Variants in PPFIBP2 observed in about 807,000 individuals in gnomAD.
PPFIBP2 encodes PPFIB scaffold protein 2.
PPFIBP2 carries 118 observed loss-of-function variants against 118.3 expected under a neutral mutation model. The ratio of observed to expected loss-of-function variants is 1.00; its 90% CI spans 0.86 to 1.16. The LOEUF is 1.16. PPFIBP2 is among the 50% of genes most tolerant of loss of function. PPFIBP2 has a pLI of 0.00. For missense variants in PPFIBP2, 1,195 were observed against 1,073.1 expected (o/e 1.11, Z -1.59); for synonymous variants, 414 against 397.4 (o/e 1.04, Z -0.50).
chr11:7,648,487 G>T lies in PPFIBP2; in HGVS notation c.1747G>T (p.Val583Leu), dbSNP rs145235342. 1 of 1,613,954 alleles carries T rather than the reference G, an allele frequency of 6.2e-7. No individual in the cohort carries two copies. The highest frequency in any genetic ancestry group is 1.1e-5 in the South Asian group (1 of 91,072). The change falls in exon 18 of 24, where the codon GTA becomes TTA. Residue 583 changes from valine to leucine, a missense_variant. Coordinates refer to ENST00000299492, the MANE Select transcript of PPFIBP2 (RefSeq NM_003621.5). The part of the protein sequence containing the change: ...AQYVIFARQW[V>L]SSGHTLLTAT... ...GTATGTGATCTTTGCCAGGCAGTGG[G>T]TATCTTCTGGCCACACCTTATTGAC... is the stretch of plus-strand genomic sequence containing the variant.
Position 7,597,716 on chromosome 11 carries a change from T to C in PPFIBP2, c.486+43T>C, listed in dbSNP as rs773451348. On this transcript the variant is annotated intron_variant, in intron 5 of 23. Transcript: ENST00000299492. ...GAAGGCCCTTGGGTGCCGAAGCAGC[T>C]CATGTGCTGAAGCCCCTTTGTGTGC... is the stretch of plus-strand genomic sequence containing the variant. 4.0e-6 allele frequency: 6 copies of C among 1,504,896 alleles called. No homozygotes were observed. In the African/African-American group the frequency reaches 6.9e-5, roughly 17 times the overall value. The allele number at this position is 1,504,896 out of a possible 1,614,324, so 93.2% of individuals were successfully genotyped here.
Position 7,565,641 on chromosome 11 carries a change from C to T in PPFIBP2, c.153C>T (p.Leu51=), listed in dbSNP as rs989698693. 1 of 1,614,198 alleles carries T rather than the reference C, an allele frequency of 6.2e-7. No individual in the cohort carries two copies. The highest frequency in any genetic ancestry group is 8.5e-7 in the Non-Finnish European group (1 of 1,180,018). The part of the protein sequence containing the change: ...PASYMNPFPV[L]HLIEDLRLAL... Reference sequence around the variant, plus strand: ...CCTACATGAACCCCTTCCCGGTGCTCCATCTCATCGAGGACTTGAGGCTGG... The same window carrying T: ...CCTACATGAACCCCTTCCCGGTGCTTCATCTCATCGAGGACTTGAGGCTGG... The change falls in exon 3 of 24, where the codon CTC becomes CTT. Residue 51 remains leucine, a synonymous_variant. Transcript: ENST00000299492.
intron 1 of PPFIBP2, among the ~76,000 whole-genome samples, chr11:7,520,430 G>A (rs1849652018): frequency 6.6e-6 from 1 of 151,986 alleles, no homozygotes; most frequent in South Asian, 2.1e-4. Flanking sequence ...GAAGAGAGGA[G>A]TTACTCATCT....
At chr11:7,562,725 G>C (rs536416827) in intron 2 of PPFIBP2, among the ~76,000 whole-genome samples, 1 of 151,812 alleles carries the variant, frequency 6.6e-6, no homozygotes, top group East Asian at 1.9e-4. Flanking sequence ...TCTTCCCTTA[G>C]TTTTCTGCCC....
At chr11:7,640,742 G>C (rs546445054) in intron 15 of PPFIBP2, among the ~76,000 whole-genome samples, 16 of 152,308 alleles carry the variant, frequency 1.1e-4, no homozygotes, top group South Asian at 6.2e-4. Flanking sequence ...CTGTGGCCTG[G>C]AGTATTCAGC....
intron 23 of PPFIBP2, among the ~76,000 whole-genome samples, chr11:7,652,654 T>C (rs546228483): frequency 6.6e-6 from 1 of 152,174 alleles, no homozygotes; most frequent in Middle Eastern, 3.4e-3. Context: ...TGGGAAAGGG[T>C]TGGGGTGCCA....
intron 3 of PPFIBP2, among the ~76,000 whole-genome samples, chr11:7,589,625 C>A (rs1455254885): frequency 6.6e-6 from 1 of 151,006 alleles, no homozygotes; most frequent in Non-Finnish European, 1.5e-5. Flanking sequence ...AAAAAAAAAA[C>A]CTCAGAAAAT....
intron 3 of PPFIBP2, among the ~76,000 whole-genome samples, chr11:7,588,717 G>T (rs1858660584): frequency 6.6e-6 from 1 of 152,216 alleles, no homozygotes; most frequent in South Asian, 2.1e-4. Context: ...AATTCCTTGT[G>T]TCCAAGACTT....
chr11:7,515,651 C>G (rs1849168272), intron 1 of PPFIBP2, among the ~76,000 whole-genome samples: 2 of 152,172 alleles, frequency 1.3e-5, no homozygotes, highest in African/African-American at 4.8e-5. Context: ...AGTGGTCCAG[C>G]TTGGCTCTTA....
intron 2 of PPFIBP2, among the ~76,000 whole-genome samples, chr11:7,554,854 A>G (rs1429055333): frequency 2.0e-5 from 3 of 148,532 alleles, no homozygotes; most frequent in Non-Finnish European, 4.4e-5. Context: ...AGTATTTTAT[A>G]TCAGAAAGTT....
At chr11:7,563,272 A>G (rs1175202428) in intron 2 of PPFIBP2, among the ~76,000 whole-genome samples, 1 of 152,116 alleles carries the variant, frequency 6.6e-6, no homozygotes, top group Admixed American at 6.5e-5. Flanking sequence ...TTACTTAGCA[A>G]TGGTTTGGAG....
intron 3 of PPFIBP2, among the ~76,000 whole-genome samples, chr11:7,577,844 T>C (rs920789468): frequency 1.3e-5 from 2 of 152,176 alleles, no homozygotes; most frequent in Admixed American, 6.5e-5. Context: ...ACTGACATTC[T>C]AGTGAATGAG....
intron 1 of PPFIBP2, among the ~76,000 whole-genome samples, chr11:7,515,105 T>C (rs562339923): frequency 2.6e-4 from 40 of 152,366 alleles, no homozygotes; most frequent in African/African-American, 9.6e-4. Context: ...TTCATTATTA[T>C]AGGTGTATGG....
chr11:7,546,823 A>C (rs183865845), intron 1 of PPFIBP2, among the ~76,000 whole-genome samples: 2 of 152,282 alleles, frequency 1.3e-5, no homozygotes, highest in Non-Finnish European at 2.9e-5. Flanking sequence ...ATCATCCTTC[A>C]AGACCCAGGG....
chr11:7,642,989 T>C (rs111983235), intron 17 of PPFIBP2, among the ~76,000 whole-genome samples: 3 of 152,212 alleles, frequency 2.0e-5, no homozygotes, highest in African/African-American at 7.2e-5. Flanking sequence ...ACCTGGGACC[T>C]TTCCAGATCC....
At chr11:7,527,938 C>T (rs1477697361) in intron 1 of PPFIBP2, among the ~76,000 whole-genome samples, 1 of 152,142 alleles carries the variant, frequency 6.6e-6, no homozygotes, top group Non-Finnish European at 1.5e-5. Flanking sequence ...AGCACAGAGT[C>T]TGTGCTCACT....
intron 6 of PPFIBP2, among the ~76,000 whole-genome samples, chr11:7,615,383 C>T (rs1319783704): frequency 6.6e-6 from 1 of 151,466 alleles, no homozygotes; most frequent in African/African-American, 2.4e-5. Context: ...AAATGCCAAG[C>T]CTGTGGACAG....
chr11:7,614,435 G>GT (rs1449587258), intron 6 of PPFIBP2, among the ~76,000 whole-genome samples: 1 of 152,096 alleles, frequency 6.6e-6, no homozygotes, highest in Non-Finnish European at 1.5e-5. Context: ...CACCAAGTAT[G>GT]TTTTTTAAAA....
chr11:7,521,306 G>T (rs940052443), intron 1 of PPFIBP2, among the ~76,000 whole-genome samples: 3 of 152,126 alleles, frequency 2.0e-5, no homozygotes, highest in Non-Finnish European at 4.4e-5. Context: ...GAAGGAATAG[G>T]ACTGTCTCTC....
Sources: gnomAD v4.1 joint callset for allele counts (sites outside exome capture counted in the v4.1 genomes callset) on GRCh38, gnomAD v4.1.1 for gene constraint, MANE v1.5 for transcripts, NCBI Gene and HGNC (gene_info 2026-07-23, HGNC 2026-07-21) for gene names.